LRRC53: variants seen among roughly 807,000 people sequenced by gnomAD.
LRRC53 encodes the protein leucine-rich repeat-containing protein 53.
Under a neutral mutation model 13.6 loss-of-function variants are expected in LRRC53, and 25 were observed. The observed-to-expected ratio is 1.83, with a 90% CI of 1.34 to 2.56. The LOEUF (loss-of-function observed/expected upper bound fraction) is 2.56. Ranked by LOEUF, LRRC53 falls within the 30% of genes most tolerant of loss-of-function variation. The probability of loss-of-function intolerance (pLI) is 0.00; values close to 1 mark genes in which losing one functional copy is unlikely to be tolerated. For synonymous variants in LRRC53, 204 were observed against 109.8 expected (o/e 1.86, Z -5.37); for missense variants, 527 against 275.8 (o/e 1.91, Z -6.45).
intron 4 of LRRC53, among the ~76,000 whole-genome samples, chr1:74,473,658 A>T (rs1453345364): frequency 1.3e-5 from 2 of 152,070 alleles, no homozygotes; most frequent in African/African-American, 2.4e-5. Flanking sequence ...CAAGAGGTAA[A>T]CTAAGTTCCA....
chr1:74,487,438 T>C (rs1263658337), intron 1 of LRRC53, among the ~76,000 whole-genome samples: 1 of 152,166 alleles, frequency 6.6e-6, no homozygotes, highest in African/African-American at 2.4e-5. Context: ...TAATAGGCTC[T>C]CTGAATAGTA....
the LRRC53 span, among the ~76,000 whole-genome samples, chr1:74,524,789 G>T: frequency 6.6e-6 from 1 of 151,968 alleles, no homozygotes; most frequent in Non-Finnish European, 1.5e-5. Flanking sequence ...AGGAAGTAAA[G>T]GGGCTGCCTC....
intron 1 of LRRC53, among the ~76,000 whole-genome samples, chr1:74,498,652 A>G (rs1669456699): frequency 6.6e-6 from 1 of 152,166 alleles, no homozygotes; most frequent in Non-Finnish European, 1.5e-5. Context: ...TTTGACTCCT[A>G]CATTCCTGTC....
chr1:74,506,860 T>C (rs924469474), intron 1 of LRRC53, among the ~76,000 whole-genome samples: 1 of 152,174 alleles, frequency 6.6e-6, no homozygotes, highest in African/African-American at 2.4e-5. Context: ...TTCTTACACT[T>C]GATGGAAAGA....
chr1:74,512,211 T>TA (rs1670263788), intron 1 of LRRC53, among the ~76,000 whole-genome samples: 1 of 152,222 alleles, frequency 6.6e-6, no homozygotes, highest in Non-Finnish European at 1.5e-5. Context: ...CTGTGTTTAC[T>TA]GTCAGTGATT....
At chr1:74,512,187 C>T (rs1015128662) in intron 1 of LRRC53, among the ~76,000 whole-genome samples, 25 of 152,152 alleles carry the variant, frequency 1.6e-4, no homozygotes, top group African/African-American at 5.1e-4. Context: ...CATAAAGGGG[C>T]ATGATTTCTG....
rs1375334780 is a variant in LRRC53, at chr1:74,485,141, C to T, written c.-26-1766G>A. On this transcript the variant is annotated intron_variant, in intron 1 of 4. Coordinates refer to ENST00000294635, the MANE Select transcript of LRRC53 (RefSeq NM_001382280.1). ...TAGACATGTAAATACCTATCTATAACACAAGGAGAAACGAAGTAAATCTAA... is the reference window on the plus strand; with the variant it reads ...TAGACATGTAAATACCTATCTATAATACAAGGAGAAACGAAGTAAATCTAA... Among the ~76,000 whole-genome samples the T allele has an allele frequency of 2.0e-5, 3 of 152,150 alleles. No homozygotes were observed. In the East Asian group the frequency reaches 5.8e-4, roughly 29 times the overall value.
At chr1:74,519,266 T>G in the LRRC53 span, among the ~76,000 whole-genome samples, 2 of 87,426 alleles carry the variant, frequency 2.3e-5, no homozygotes, top group African/African-American at 5.6e-5. Flanking sequence ...CCACATTTTC[T>G]TAATCCAGTC....
intron 1 of LRRC53, among the ~76,000 whole-genome samples, chr1:74,510,018 C>G (rs1670104701): frequency 6.6e-6 from 1 of 151,830 alleles, no homozygotes; most frequent in Admixed American, 6.6e-5. Context: ...AAGGTGTGAG[C>G]CTATGCGCCC....
In LRRC53 at chr1:74,509,747, C is replaced by CTTTT. The variant is rs68193106; in HGVS notation, c.-27+2775_-27+2778dup. 4.4e-4 allele frequency among the ~76,000 whole-genome samples: 21 copies of CTTTT among 47,810 alleles called. 1 individual carries two copies. Among genetic ancestry groups the CTTTT allele is most frequent in the Admixed American group, 7.5e-4 (2 of 2,668 alleles). The allele number at this position is 47,810 out of a possible 152,430, so 31.4% of individuals were successfully genotyped here. A position where few individuals can be genotyped will look rare whatever the true frequency, so the allele number is the denominator to read the frequency against. Reference sequence around the variant, plus strand: ...TTCTGGTTTTGAGTGATCTGAATTTCTTTTTTTTTTTTTTTTTTTTTTTTT... The same window carrying CTTTT: ...TTCTGGTTTTGAGTGATCTGAATTTCTTTTTTTTTTTTTTTTTTTTTTTTTTTTT... On this transcript the variant is annotated intron_variant, in intron 1 of 4. Coordinates refer to ENST00000294635, the MANE Select transcript of LRRC53 (RefSeq NM_001382280.1).
intron 4 of LRRC53, among the ~76,000 whole-genome samples, chr1:74,473,543 TCATTTTTAACATTGTTAGGTGTTAGGCC>T (rs1171813787): frequency 6.6e-6 from 1 of 151,684 alleles, no homozygotes; most frequent in Non-Finnish European, 1.5e-5. Context: ...TTTTTTTTTT[TCATTTTTAACATTGTTAGGTGTTAGGCC>T]TCAAAATTAA....
intron 3 of LRRC53, among the ~76,000 whole-genome samples, chr1:74,478,249 A>C (rs1440775515): frequency 1.3e-5 from 2 of 152,202 alleles, no homozygotes; most frequent in Non-Finnish European, 2.9e-5. Flanking sequence ...ACTACAATTT[A>C]ACAATTATTT....
chr1:74,532,625 C>A, the LRRC53 span, among the ~76,000 whole-genome samples: 3 of 151,780 alleles, frequency 2.0e-5, no homozygotes, highest in Non-Finnish European at 4.4e-5. Flanking sequence ...TCCCTCCCCC[C>A]TCGCCCCACC....
At chr1:74,496,836 C>A (rs923530843) in intron 1 of LRRC53, among the ~76,000 whole-genome samples, 9 of 152,104 alleles carry the variant, frequency 5.9e-5, no homozygotes, top group African/African-American at 2.2e-4. Flanking sequence ...GGTATGAAAT[C>A]CCATCTTGTA....
intron 1 of LRRC53, among the ~76,000 whole-genome samples, chr1:74,491,129 A>G (rs1025498183): frequency 5.9e-5 from 9 of 152,230 alleles, no homozygotes; most frequent in Admixed American, 5.2e-4. Flanking sequence ...GTGGTGAATA[A>G]GCTGAAAATC....
intron 1 of LRRC53, among the ~76,000 whole-genome samples, chr1:74,499,451 G>T (rs536153617): frequency 6.6e-6 from 1 of 152,130 alleles, no homozygotes; most frequent in Admixed American, 6.5e-5. Flanking sequence ...TTTTATTAAA[G>T]TATGTTGTTG....
chr1:74,489,050 A>C, intron 1 of LRRC53: 1 of 647,818 alleles, frequency 1.5e-6, no homozygotes, highest in Non-Finnish European at 2.5e-6. Flanking sequence ...TTAACACTTC[A>C]ATAAAAGTGT....
At chr1:74,520,125 A>G in the LRRC53 span, among the ~76,000 whole-genome samples, 2 of 150,318 alleles carry the variant, frequency 1.3e-5, no homozygotes, top group East Asian at 2.0e-4. Flanking sequence ...TGCTGAACCC[A>G]ATTTGTAGTC....
In LRRC53 at chr1:74,475,437, T is replaced by C. The variant is rs760620399; in HGVS notation, c.1278A>G (p.Ser426=). The change falls in exon 4 of 5, where the codon TCA becomes TCG. Residue 426 remains serine (S), a synonymous_variant. Coordinates refer to ENST00000294635, the MANE Select transcript of LRRC53 (RefSeq NM_001382280.1). The stretch of plus-strand genomic sequence containing the variant: ...AAGCTCTCATATTTCCAGGAGGCTC[T>C]GAACATTCCGAATGCAGCAATCTAC... ...QDGRLLHSEC[S]EPPGNMRAFN... 2.8e-6 allele frequency: 2 copies of C among 717,218 alleles called. No homozygotes were observed. Among genetic ancestry groups the C allele is most frequent in the South Asian group, 1.5e-5 (1 of 67,582 alleles). The allele number at this position is 717,218 out of a possible 1,614,324, so 44.4% of individuals were successfully genotyped here. A position where few individuals can be genotyped will look rare whatever the true frequency, so the allele number is the denominator to read the frequency against.
Sources: gnomAD v4.1 joint callset for allele counts (sites outside exome capture counted in the v4.1 genomes callset) on GRCh38, gnomAD v4.1.1 for gene constraint, MANE v1.5 for transcripts, NCBI Gene and HGNC (gene_info 2026-07-23, HGNC 2026-07-21) for gene names.